Variants in STX8 observed in about 807,000 individuals in gnomAD.
STX8 encodes the protein syntaxin-8.
A neutral mutation model predicts 37.5 loss-of-function variants in STX8; 23 were observed. The observed-to-expected ratio is 0.61, with a 90% CI of 0.44 to 0.87. The LOEUF is 0.87. Among genes scored for constraint, STX8 ranks in the 40% least tolerant of loss-of-function variants. The probability of loss-of-function intolerance (pLI) is 0.00; values close to 1 mark genes in which losing one functional copy is unlikely to be tolerated. For missense variants in STX8, 313 were observed against 284.7 expected, an observed-to-expected ratio of 1.10 and a Z score of -0.71; for synonymous variants, 115 against 99.1, an observed-to-expected ratio of 1.16 and a Z score of -0.95.
At chr17:9,401,515 A>G (rs912037016) in intron 6 of STX8, among the ~76,000 whole-genome samples, 6 of 152,182 alleles carry the variant, frequency 3.9e-5, no homozygotes, top group Non-Finnish European at 7.4e-5. Flanking sequence ...GGATTACGTA[A>G]CTTGTCCAAG....
chr17:9,486,348 A>T (rs1241103518), intron 6 of STX8, among the ~76,000 whole-genome samples: 2 of 152,158 alleles, frequency 1.3e-5, no homozygotes, highest in African/African-American at 4.8e-5. Context: ...ATCCAAAAGG[A>T]TTGGTCAATT....
intron 3 of STX8, chr17:9,554,040 T>A (rs1444572039): frequency 1.3e-5 from 2 of 152,086 alleles, no homozygotes; most frequent in African/African-American, 4.8e-5. Flanking sequence ...AGCGGGTGCA[T>A]CATGAGGTCA....
At chr17:9,389,501 G>A (rs911989801) in intron 6 of STX8, among the ~76,000 whole-genome samples, 1 of 152,148 alleles carries the variant, frequency 6.6e-6, no homozygotes, top group Non-Finnish European at 1.5e-5. Context: ...ATGGAACAAC[G>A]TAAAGTATAC....
At chr17:9,427,205 T>C (rs1415745005) in intron 6 of STX8, among the ~76,000 whole-genome samples, 1 of 152,126 alleles carries the variant, frequency 6.6e-6, no homozygotes, top group Non-Finnish European at 1.5e-5. Context: ...GAAATAACGT[T>C]GTATATGTGG....
chr17:9,318,258 C>T (rs187910964), intron 7 of STX8, among the ~76,000 whole-genome samples: 27 of 152,164 alleles, frequency 1.8e-4, no homozygotes, highest in South Asian at 4.2e-4. Context: ...TCTCCTAATG[C>T]TATCCCTCCC....
chr17:9,467,452 C>T (rs772791483), intron 6 of STX8: 1 of 152,152 alleles, frequency 6.6e-6, no homozygotes, highest in Non-Finnish European at 1.5e-5. Flanking sequence ...AATGAATATC[C>T]ATCCACTCCC....
chr17:9,366,705 T>C (rs867064215), intron 7 of STX8, among the ~76,000 whole-genome samples: 10 of 152,190 alleles, frequency 6.6e-5, no homozygotes, highest in South Asian at 4.1e-4. Flanking sequence ...GAGATGCCTG[T>C]CACAGTGTCC....
At chr17:9,364,338 T>C (rs767616717) in intron 7 of STX8, among the ~76,000 whole-genome samples, 18 of 152,188 alleles carry the variant, frequency 1.2e-4, no homozygotes, top group Non-Finnish European at 2.4e-4. Flanking sequence ...CTACTTAGTA[T>C]ATATTATCTT....
intron 6 of STX8, among the ~76,000 whole-genome samples, chr17:9,450,619 G>A (rs2125351): frequency 0.2 from 29,994 of 151,444 alleles, 3,941 homozygotes; most frequent in East Asian, 0.63. Flanking sequence ...GATGTTCATA[G>A]GCACATTTTT....
intron 7 of STX8, among the ~76,000 whole-genome samples, chr17:9,287,992 C>T (rs1276580413): frequency 6.6e-6 from 1 of 150,928 alleles, no homozygotes; most frequent in Non-Finnish European, 1.5e-5. Flanking sequence ...TTGTGATCCA[C>T]CCGCCTCGGC....
chr17:9,287,921 G>C (rs979388852), intron 7 of STX8, among the ~76,000 whole-genome samples: 2 of 151,468 alleles, frequency 1.3e-5, no homozygotes, highest in African/African-American at 4.9e-5. Context: ...CAGCTAATTT[G>C]GTATTTTTGG....
intron 4 of STX8, among the ~76,000 whole-genome samples, chr17:9,509,963 A>C (rs564989150): frequency 6.6e-6 from 1 of 152,280 alleles, no homozygotes; most frequent in South Asian, 2.1e-4. Context: ...CAAAAACCAA[A>C]AGCAAGCAGG....
intron 7 of STX8, among the ~76,000 whole-genome samples, chr17:9,272,584 G>T (rs1240660764): frequency 6.6e-6 from 1 of 152,236 alleles, no homozygotes; most frequent in Admixed American, 6.5e-5. Flanking sequence ...CCATCCCAGA[G>T]CGTACCCCGA....
intron 3 of STX8, chr17:9,556,774 T>TACAC (rs1906989250): frequency 6.9e-5 from 6 of 86,702 alleles, no homozygotes; most frequent in Non-Finnish European, 9.3e-5. Context: ...TATATATATA[T>TACAC]ATATATATAT....
intron 6 of STX8, among the ~76,000 whole-genome samples, chr17:9,448,798 G>A (rs1904942297): frequency 6.6e-6 from 1 of 152,060 alleles, no homozygotes; most frequent in African/African-American, 2.4e-5. Context: ...TACAGAACAT[G>A]AGCGCCACAA....
intron 6 of STX8, among the ~76,000 whole-genome samples, chr17:9,438,610 C>A (rs551367175): frequency 6.6e-6 from 1 of 151,996 alleles, no homozygotes; most frequent in Admixed American, 6.6e-5. Flanking sequence ...ACTGCTGTTG[C>A]GGTGCAAAAG....
Position 9,378,549 on chromosome 17 carries a change from TACC to T in STX8, c.643_643+2del, listed in dbSNP as rs1433682664. Reference sequence around the variant, plus strand: ...ACAGAGCCATAACGTAGCTATCTCTTACCACAAGAGGCTGACTTTCTGTCCACC... The same window carrying T: ...ACAGAGCCATAACGTAGCTATCTCTTACAAGAGGCTGACTTTCTGTCCACC... On this transcript the variant is annotated splice_donor_variant and coding_sequence_variant, in exon 7 of 8. Coordinates refer to ENST00000306357, the MANE Select transcript of STX8 (RefSeq NM_004853.3). LOFTEE classifies it high-confidence loss of function. The T allele has an allele frequency of 5.0e-6, 8 of 1,612,822 alleles. No homozygotes were observed. Among genetic ancestry groups the T allele is most frequent in the Non-Finnish European group, 5.9e-6 (7 of 1,178,914 alleles).
intron 4 of STX8, among the ~76,000 whole-genome samples, chr17:9,517,788 TAAAA>T (rs11318149): frequency 2.7e-4 from 27 of 98,706 alleles, no homozygotes; most frequent in Admixed American, 6.9e-4. Context: ...ACCCCTATTG[TAAAA>T]AAAAAAAAAA....
chr17:9,504,352 A>T (rs1280968969), intron 5 of STX8, among the ~76,000 whole-genome samples: 1 of 152,044 alleles, frequency 6.6e-6, no homozygotes, highest in South Asian at 2.1e-4. Flanking sequence ...AAAAAAAGTT[A>T]AAAAGCCACA....
Sources: gnomAD v4.1 joint callset for allele counts (sites outside exome capture counted in the v4.1 genomes callset) on GRCh38, gnomAD v4.1.1 for gene constraint, MANE v1.5 for transcripts, NCBI Gene and HGNC (gene_info 2026-07-23, HGNC 2026-07-21) for gene names.